Variants in TMEFF2 observed in about 807,000 individuals in gnomAD.
The protein encoded by TMEFF2 is transmembrane protein with EGF like and two follistatin like domains 2.
Under a neutral mutation model 53.8 loss-of-function variants are expected in TMEFF2, and 28 were observed. The observed-to-expected ratio is 0.52, with a 90% CI of 0.39 to 0.71. The LOEUF (loss-of-function observed/expected upper bound fraction) is 0.71, where lower values mean the gene tolerates loss of function less well. TMEFF2 is among the 30% of genes least tolerant of loss of function. The probability of loss-of-function intolerance (pLI) is 0.00; values close to 1 mark genes in which losing one functional copy is unlikely to be tolerated. For missense variants in TMEFF2, 353 were observed against 455.2 expected (o/e 0.78, Z 2.04); for synonymous variants, 162 against 166.3 (o/e 0.97, Z 0.20).
intron 8 of TMEFF2, among the ~76,000 whole-genome samples, chr2:191,954,109 G>T (rs907800851): frequency 1.3e-5 from 2 of 151,934 alleles, no homozygotes; most frequent in Non-Finnish European, 2.9e-5. Flanking sequence ...GGATGGTCTC[G>T]ATTTCCTGAC....
chr2:192,051,252 A>G (rs1174738347), intron 5 of TMEFF2, among the ~76,000 whole-genome samples: 9 of 140,820 alleles, frequency 6.4e-5, no homozygotes, highest in Non-Finnish European at 1.4e-4. Flanking sequence ...CATTGTCTCC[A>G]TGAGTAAACT....
intron 4 of TMEFF2, among the ~76,000 whole-genome samples, chr2:192,079,071 C>A (rs1307317612): frequency 2.0e-5 from 3 of 152,174 alleles, no homozygotes; most frequent in African/African-American, 7.2e-5. Context: ...GTTGGCTGAG[C>A]ACCTTCAACC....
chr2:192,010,150 C>T (rs1452621016), intron 5 of TMEFF2, among the ~76,000 whole-genome samples: 1 of 152,158 alleles, frequency 6.6e-6, no homozygotes, highest in Non-Finnish European at 1.5e-5. Flanking sequence ...TCATCTCTCT[C>T]TTTGTCCTCA....
chr2:191,956,462 G>C, intron 7 of TMEFF2, 84 bp from the exon 8 acceptor site: 1 of 1,436,908 alleles, frequency 7.0e-7, no homozygotes, highest in Non-Finnish European at 9.3e-7. Flanking sequence ...CAAAGCTATG[G>C]TAGGCAAAGA....
At chr2:192,156,014 GA>G (rs5837288) in intron 4 of TMEFF2, among the ~76,000 whole-genome samples, 2,612 of 144,406 alleles carry the variant, frequency 0.018, 83 homozygotes, top group African/African-American at 0.064. Context: ...AGGAACATTT[GA>G]AAAAAAAAAA....
chr2:192,162,243 T>A (rs1283813050), intron 4 of TMEFF2, among the ~76,000 whole-genome samples: 2 of 152,178 alleles, frequency 1.3e-5, no homozygotes, highest in Admixed American at 1.3e-4. Flanking sequence ...TTACATGAAA[T>A]TACAGCCATG....
At chr2:192,077,636 G>A (rs1420504772) in intron 4 of TMEFF2, among the ~76,000 whole-genome samples, 1 of 151,982 alleles carries the variant, frequency 6.6e-6, no homozygotes. Context: ...AAGCAATAAT[G>A]AGGCCAGGAA....
chr2:191,978,779 T>A (rs1574261696), intron 7 of TMEFF2, among the ~76,000 whole-genome samples: 1 of 152,188 alleles, frequency 6.6e-6, no homozygotes, highest in East Asian at 1.9e-4. Flanking sequence ...AACTCCCACA[T>A]GGACTGCATG....
At chr2:192,185,039 T>G (rs1338844065) in intron 2 of TMEFF2, among the ~76,000 whole-genome samples, 1 of 152,038 alleles carries the variant, frequency 6.6e-6, no homozygotes, top group Non-Finnish European at 1.5e-5. Context: ...TTTTTATACC[T>G]CTTTAGACTA....
At chr2:192,092,781 G>A in intron 4 of TMEFF2, among the ~76,000 whole-genome samples, 1 of 152,098 alleles carries the variant, frequency 6.6e-6, no homozygotes, top group Non-Finnish European at 1.5e-5. Flanking sequence ...AGAGGGAAAA[G>A]GCATTGGGAT....
intron 4 of TMEFF2, among the ~76,000 whole-genome samples, chr2:192,059,515 G>T (rs1687993487): frequency 1.3e-5 from 2 of 152,100 alleles, no homozygotes. Context: ...GCCTTTTAGT[G>T]TTAGCAAGAT....
chr2:191,958,122 A>G (rs1692161613), intron 7 of TMEFF2, among the ~76,000 whole-genome samples: 1 of 152,200 alleles, frequency 6.6e-6, no homozygotes, highest in Non-Finnish European at 1.5e-5. Flanking sequence ...GGCTGTGTTC[A>G]TTCTGTGCCA....
At chr2:192,039,739 A>G (rs1687426940) in intron 5 of TMEFF2, among the ~76,000 whole-genome samples, 1 of 152,118 alleles carries the variant, frequency 6.6e-6, no homozygotes, top group South Asian at 2.1e-4. Flanking sequence ...TGAACAAGTG[A>G]TTTATTGCTC....
chr2:192,174,973 T>G (rs1465604891), intron 4 of TMEFF2, among the ~76,000 whole-genome samples: 1 of 151,760 alleles, frequency 6.6e-6, no homozygotes, highest in Non-Finnish European at 1.5e-5. Context: ...GAATAAATAT[T>G]CAATTCCTTG....
intron 4 of TMEFF2, among the ~76,000 whole-genome samples, chr2:192,076,120 A>G (rs1010297563): frequency 6.6e-6 from 1 of 152,158 alleles, no homozygotes; most frequent in Non-Finnish European, 1.5e-5. Context: ...TATTTATTAC[A>G]TAAGAAAAAG....
intron 4 of TMEFF2, among the ~76,000 whole-genome samples, chr2:192,130,387 G>A (rs899642791): frequency 1.3e-5 from 2 of 152,038 alleles, no homozygotes; most frequent in South Asian, 2.1e-4. Flanking sequence ...GAAAGAGTAT[G>A]TCAGGCCTCT....
chr2:191,955,525 T>TTTTTTTTTTTC, intron 8 of TMEFF2, among the ~76,000 whole-genome samples: 1 of 56,844 alleles, frequency 1.8e-5, no homozygotes, highest in Non-Finnish European at 3.5e-5. Context: ...TAATTCTTAA[T>TTTTTTTTTTTC]TTTTTTTTTT....
At chr2:191,998,418 TA>T in intron 6 of TMEFF2, 97 bp from the exon 7 acceptor site, 1 of 854,522 alleles carries the variant, frequency 1.2e-6, no homozygotes. Context: ...TCATTGCAAT[TA>T]AGGAATTTTT....
At position 192,194,885 on chromosome 2, in the gene TMEFF2, C is replaced by T. The variant is rs910656510; in HGVS notation, c.-361G>A. 1 of 234,396 alleles carries T rather than the reference C, an allele frequency of 4.3e-6. No individual in the cohort carries two copies. Among genetic ancestry groups the T allele is most frequent in the Non-Finnish European group, 8.4e-6 (1 of 119,298 alleles). The allele number at this position is 234,396 out of a possible 1,614,324, so 14.5% of individuals were successfully genotyped here. A position where few individuals can be genotyped will look rare whatever the true frequency, so the allele number is the denominator to read the frequency against. On this transcript the variant is annotated 5_prime_UTR_variant, in exon 1 of 10. Transcript: ENST00000272771. This position sits in a 1 kb window ranked among gnomAD's most constrained non-coding sequence, Gnocchi z 4.2. ...GCAGGGTGGAGGGAGAGTCAAGGCG[C>T]CCCGCAGCCCGGCAGCCGCCTCTCG...
Sources: allele counts gnomAD v4.1 joint callset (sites outside exome capture counted in the v4.1 genomes callset), GRCh38; gene constraint gnomAD v4.1.1; non-coding constraint Gnocchi (gnomAD v3.1); transcripts MANE v1.5; gene names NCBI Gene and HGNC (gene_info 2026-07-23, HGNC 2026-07-21).